ASIC2: variants seen among roughly 807,000 people sequenced by gnomAD.
ASIC2 encodes acid-sensing ion channel 2.
ASIC2 carries 25 observed loss-of-function variants against 57.3 expected under a neutral mutation model. The ratio of observed to expected loss-of-function variants is 0.44; its 90% CI spans 0.32 to 0.61. ASIC2 has a LOEUF of 0.61. Ranked by LOEUF, ASIC2 falls within the 20% of genes least tolerant of loss-of-function variation. ASIC2 has a pLI of 0.06. For synonymous variants in ASIC2, 319 were observed against 307.5 expected, an observed-to-expected ratio of 1.04 and a Z score of -0.39; for missense variants, 641 against 738.1, an observed-to-expected ratio of 0.87 and a Z score of 1.52.
chr17:33,711,061 C>A (rs541792942), intron 1 of ASIC2, among the ~76,000 whole-genome samples: 4 of 152,290 alleles, frequency 2.6e-5, no homozygotes, highest in Non-Finnish European at 1.5e-5. Flanking sequence ...AGCGATCCTC[C>A]CACCTCAGCC....
chr17:33,356,978 T>A (rs898788305), intron 1 of ASIC2, among the ~76,000 whole-genome samples: 1 of 370 alleles, frequency 2.7e-3, no homozygotes, highest in Admixed American at 0.024. Flanking sequence ...AGCTTAGGGA[T>A]TAGGGACCGT....
intron 1 of ASIC2, among the ~76,000 whole-genome samples, chr17:34,111,610 T>G (rs1911277242): frequency 6.6e-6 from 1 of 152,148 alleles, no homozygotes; most frequent in Admixed American, 6.5e-5. Context: ...TTATTGTTTT[T>G]GATGAGGAAA....
intron 2 of ASIC2, among the ~76,000 whole-genome samples, chr17:33,100,974 G>A (rs955243836): frequency 5.9e-5 from 9 of 152,236 alleles, no homozygotes; most frequent in Admixed American, 1.3e-4. Flanking sequence ...TGCCTCCAGT[G>A]GTGTTTCTGA....
intron 1 of ASIC2, among the ~76,000 whole-genome samples, chr17:33,439,631 G>C (rs1277581058): frequency 6.6e-6 from 1 of 152,164 alleles, no homozygotes; most frequent in African/African-American, 2.4e-5. Flanking sequence ...ATCAAGGAGA[G>C]GCTGAGTTTC....
rs1905549978 is a variant in ASIC2 at position 33,292,744 on chromosome 17, T to G, written c.-629A>C. 1.0e-6 allele frequency: 1 copy of G among 985,646 alleles called. No homozygotes were observed. Among genetic ancestry groups the G allele is most frequent in the South Asian group, 4.7e-5 (1 of 21,300 alleles). The allele number at this position is 985,646 out of a possible 1,614,324, so 61.1% of individuals were successfully genotyped here. A position where few individuals can be genotyped will look rare whatever the true frequency, so the allele number is the denominator to read the frequency against. On this transcript the variant is annotated 5_prime_UTR_variant, in exon 1 of 10. Transcript: ENST00000225823. ...GTGTGTACGGGGGTGAGTGGTCGCC[T>G]TGCCGGCTGCCGCCTTCTTTCCCTT...
At chr17:33,440,880 T>C (rs964130004) in intron 1 of ASIC2, among the ~76,000 whole-genome samples, 2 of 152,250 alleles carry the variant, frequency 1.3e-5, no homozygotes, top group Non-Finnish European at 2.9e-5. Context: ...TATATTACTT[T>C]CAAATATTTA....
At chr17:33,843,841 C>T (rs1294726062) in intron 1 of ASIC2, among the ~76,000 whole-genome samples, 2 of 152,172 alleles carry the variant, frequency 1.3e-5, no homozygotes, top group Non-Finnish European at 1.5e-5. Flanking sequence ...AATGCCAATG[C>T]TATTTTGATG....
intron 1 of ASIC2, among the ~76,000 whole-genome samples, chr17:33,663,545 C>T: frequency 6.7e-6 from 1 of 149,912 alleles, no homozygotes; most frequent in Non-Finnish European, 1.5e-5. Context: ...TGTAAGGTGG[C>T]AGTAATTAAA....
intron 3 of ASIC2, among the ~76,000 whole-genome samples, chr17:33,074,556 C>T (rs546599388): frequency 6.6e-6 from 1 of 152,314 alleles, no homozygotes. Flanking sequence ...GTTCCTCTAT[C>T]TCTGAGTTCC....
rs1907945556 is a variant in ASIC2, at chr17:34,037,751, A to G, written c.555+118227T>C. On this transcript the variant is annotated intron_variant, in intron 1 of 9. Transcript: ENST00000359872. Reference sequence around the variant, plus strand: ...ATCACAGGCCAGCTGCTGGACATCAATGCGGTCCTCCTTTCGGTAGGCCAA... The same window carrying G: ...ATCACAGGCCAGCTGCTGGACATCAGTGCGGTCCTCCTTTCGGTAGGCCAA... 9 of 1,614,182 alleles carry G rather than the reference A, an allele frequency of 5.6e-6. No individual in the cohort carries two copies. The South Asian group carries it at 8.8e-5, about 16-fold the overall frequency.
rs375372462 is a variant in ASIC2 at position 33,903,964 on chromosome 17, G to A, written c.555+252014C>T. Among the ~76,000 whole-genome samples, 127 of 152,094 alleles carry A rather than the reference G, an allele frequency of 8.4e-4. 1 individual carries two copies. The highest frequency in any genetic ancestry group is 3.0e-3 in the African/African-American group (125 of 41,492). ...GGATCACCTGAGGTTGGGAGTTTGA[G>A]ACCAGCCTGACCAACATGGAGAAAC... On this transcript the variant is annotated intron_variant, in intron 1 of 9. Coordinates refer to the ASIC2 transcript ENST00000359872.
At chr17:33,891,753 G>A (rs12937145) in intron 1 of ASIC2, among the ~76,000 whole-genome samples, 2 of 152,100 alleles carry the variant, frequency 1.3e-5, no homozygotes, top group African/African-American at 4.8e-5. Flanking sequence ...TGTTTTTAAA[G>A]TTTATTTATT....
At chr17:34,115,742 T>C (rs1040158818) in intron 1 of ASIC2, among the ~76,000 whole-genome samples, 3 of 152,180 alleles carry the variant, frequency 2.0e-5, no homozygotes, top group African/African-American at 4.8e-5. Flanking sequence ...TAATGTTTCT[T>C]ACAGGATGTG....
intron 1 of ASIC2, among the ~76,000 whole-genome samples, chr17:34,025,192 CCT>C (rs1907329101): frequency 6.6e-6 from 1 of 152,198 alleles, no homozygotes; most frequent in Non-Finnish European, 1.5e-5. Context: ...CTTCTGAGCC[CCT>C]GAGTCTTTGT....
chr17:33,840,274 T>C (rs1175417774), intron 1 of ASIC2, among the ~76,000 whole-genome samples: 2 of 152,064 alleles, frequency 1.3e-5, no homozygotes, highest in African/African-American at 2.4e-5. Context: ...ACACACCAAG[T>C]GTTAGGGGAG....
chr17:33,100,973 T>C (rs1477890129), intron 2 of ASIC2, among the ~76,000 whole-genome samples: 2 of 152,228 alleles, frequency 1.3e-5, no homozygotes, highest in African/African-American at 4.8e-5. Context: ...CTGCCTCCAG[T>C]GGTGTTTCTG....
chr17:33,508,686 T>C (rs1166857106), intron 1 of ASIC2, among the ~76,000 whole-genome samples: 1 of 152,222 alleles, frequency 6.6e-6, no homozygotes, highest in Non-Finnish European at 1.5e-5. Context: ...AGGTAGGAGC[T>C]TGAAGAGCAT....
chr17:33,839,413 T>C (rs1597897532), intron 1 of ASIC2, among the ~76,000 whole-genome samples: 1 of 152,168 alleles, frequency 6.6e-6, no homozygotes, highest in Admixed American at 6.5e-5. Flanking sequence ...ATCTAGACAA[T>C]GCATTAATTA....
chr17:33,995,672 G>GTA (rs1906135874), intron 1 of ASIC2, among the ~76,000 whole-genome samples: 2 of 151,834 alleles, frequency 1.3e-5, no homozygotes, highest in South Asian at 2.1e-4. Context: ...ATGTGTGTGT[G>GTA]TATATACACA....
Sources: gnomAD v4.1 joint callset for allele counts (sites outside exome capture counted in the v4.1 genomes callset) on GRCh38, gnomAD v4.1.1 for gene constraint, MANE v1.5 for transcripts, NCBI Gene and HGNC (gene_info 2026-07-23, HGNC 2026-07-21) for gene names.